FUT8: variants seen among roughly 807,000 people sequenced by gnomAD.
FUT8 encodes alpha-(1,6)-fucosyltransferase.
Under a neutral mutation model 71.3 loss-of-function variants are expected in FUT8, and 29 were observed. The ratio of observed to expected loss-of-function variants is 0.41; its 90% CI spans 0.30 to 0.55. FUT8 has a LOEUF of 0.55. Among genes scored for constraint, FUT8 ranks in the 20% least tolerant of loss-of-function variants. FUT8 has a pLI of 0.34. For synonymous variants in FUT8, 254 were observed against 239.3 expected, an observed-to-expected ratio of 1.06 and a Z score of -0.57; for missense variants, 544 against 702.1, an observed-to-expected ratio of 0.77 and a Z score of 2.55.
chr14:65,421,734 A>ACCCCCC (rs1331606236), intron 1 of FUT8, among the ~76,000 whole-genome samples: 1 of 36,636 alleles, frequency 2.7e-5, no homozygotes, highest in Non-Finnish European at 6.2e-5. Context: ...GAAACCCTTT[A>ACCCCCC]ACCCACCCCC....
intron 7 of FUT8, among the ~76,000 whole-genome samples, chr14:65,703,704 T>G (rs1006305938): frequency 2.0e-5 from 3 of 152,170 alleles, no homozygotes; most frequent in African/African-American, 4.8e-5. Context: ...CAGCAAGAGT[T>G]AAAGATGGGA....
chr14:65,654,364 G>A (rs922818401), intron 6 of FUT8, among the ~76,000 whole-genome samples: 6 of 152,098 alleles, frequency 3.9e-5, no homozygotes, highest in African/African-American at 1.2e-4. Context: ...CAAGGCAGGC[G>A]GATCACCTGA....
intron 2 of FUT8, among the ~76,000 whole-genome samples, chr14:65,535,583 T>C (rs1331598742): frequency 3.3e-5 from 5 of 152,218 alleles, no homozygotes; most frequent in African/African-American, 9.6e-5. Context: ...CATGTAATTA[T>C]ATGGTTGTGA....
At chr14:65,585,260 A>G (rs936855377) in intron 3 of FUT8, among the ~76,000 whole-genome samples, 15 of 152,250 alleles carry the variant, frequency 9.9e-5, no homozygotes, top group Non-Finnish European at 1.6e-4. Flanking sequence ...TGGCATGGAC[A>G]TGGCTCACTG....
intron 7 of FUT8, among the ~76,000 whole-genome samples, chr14:65,676,584 C>T (rs1286886037): frequency 6.7e-6 from 1 of 149,780 alleles, no homozygotes; most frequent in Admixed American, 6.7e-5. Flanking sequence ...GTAGTCGGTC[C>T]CCTGAGTCAC....
At chr14:65,541,852 T>C (rs887018700) in intron 2 of FUT8, among the ~76,000 whole-genome samples, 4 of 152,140 alleles carry the variant, frequency 2.6e-5, no homozygotes, top group Non-Finnish European at 5.9e-5. Flanking sequence ...AATATAAAAA[T>C]AATTGTGGGG....
intron 3 of FUT8, among the ~76,000 whole-genome samples, chr14:65,604,308 C>T (rs1354308570): frequency 6.6e-6 from 1 of 151,844 alleles, no homozygotes; most frequent in Non-Finnish European, 1.5e-5. Context: ...ACATTCTATT[C>T]ATCAGCGCAT....
At chr14:65,549,209 A>G (rs1186390597) in intron 2 of FUT8, among the ~76,000 whole-genome samples, 2 of 152,164 alleles carry the variant, frequency 1.3e-5, no homozygotes, top group Non-Finnish European at 2.9e-5. Context: ...TGACCCAGCA[A>G]TCCTACTCCT....
chr14:65,656,767 C>T (rs576927663), intron 6 of FUT8, among the ~76,000 whole-genome samples: 2 of 152,270 alleles, frequency 1.3e-5, no homozygotes, highest in South Asian at 2.1e-4. Context: ...TTATATACTA[C>T]AGAGCTATAG....
At chr14:65,558,193 G>A (rs923331278) in intron 2 of FUT8, among the ~76,000 whole-genome samples, 28 of 151,652 alleles carry the variant, frequency 1.8e-4, no homozygotes, top group African/African-American at 6.5e-4. Flanking sequence ...TGAGCCGGGC[G>A]CCACAGCAGA....
chr14:65,470,735 C>T (rs1205202855), intron 2 of FUT8, among the ~76,000 whole-genome samples: 1 of 152,114 alleles, frequency 6.6e-6, no homozygotes, highest in Non-Finnish European at 1.5e-5. Context: ...AACCTGGCAC[C>T]CTCAGTGGGG....
intron 3 of FUT8, among the ~76,000 whole-genome samples, chr14:65,609,311 T>A (rs7155963): frequency 0.39 from 57,964 of 149,120 alleles, 12,903 homozygotes; most frequent in Non-Finnish European, 0.51. Flanking sequence ...AAAAAAAAAA[T>A]TTTTCCTCTA....
intron 2 of FUT8, among the ~76,000 whole-genome samples, chr14:65,469,733 C>T (rs758303700): frequency 5.3e-5 from 8 of 152,172 alleles, no homozygotes; most frequent in African/African-American, 9.7e-5. Context: ...TCCCCATTGA[C>T]TTCCCAGCTC....
At chr14:65,593,179 C>T (rs1230090023) in intron 3 of FUT8, among the ~76,000 whole-genome samples, 2 of 152,052 alleles carry the variant, frequency 1.3e-5, no homozygotes, top group African/African-American at 4.8e-5. Context: ...GAATTATTTC[C>T]TTGAATCACT....
intron 2 of FUT8, among the ~76,000 whole-genome samples, chr14:65,535,201 G>A (rs1412539185): frequency 6.6e-6 from 1 of 151,900 alleles, no homozygotes; most frequent in East Asian, 1.9e-4. Context: ...CCAGGTTCAA[G>A]CGATTCTCAT....
intron 2 of FUT8, among the ~76,000 whole-genome samples, chr14:65,508,778 A>T (rs948038128): frequency 6.6e-6 from 1 of 152,168 alleles, no homozygotes; most frequent in Non-Finnish European, 1.5e-5. Context: ...CTGGGATTAC[A>T]GGCCTGAGCC....
chr14:65,671,846 G>A (rs532998378), intron 7 of FUT8, among the ~76,000 whole-genome samples: 1 of 152,286 alleles, frequency 6.6e-6, no homozygotes, highest in Non-Finnish European at 1.5e-5. Flanking sequence ...AGAGGAAATA[G>A]TGAATTTTAA....
chr14:65,475,661 A>T (rs1034467068), intron 2 of FUT8, among the ~76,000 whole-genome samples: 1 of 151,980 alleles, frequency 6.6e-6, no homozygotes, highest in East Asian at 1.9e-4. Context: ...GGATCGCTTG[A>T]GCTCAGGTAT....
chr14:65,419,790 AG>A (rs1397950617), intron 1 of FUT8, among the ~76,000 whole-genome samples: 1 of 152,142 alleles, frequency 6.6e-6, no homozygotes, highest in African/African-American at 2.4e-5. Flanking sequence ...TGAGGCCAAA[AG>A]GTCCTGTCTT....
Sources: allele counts gnomAD v4.1 joint callset (sites outside exome capture counted in the v4.1 genomes callset), GRCh38; gene constraint gnomAD v4.1.1; transcripts MANE v1.5; gene names NCBI Gene and HGNC (gene_info 2026-07-23, HGNC 2026-07-21).